Variants in HAS3 observed in about 807,000 individuals in gnomAD.
HAS3 encodes HA synthase 3.
In HAS3, 27 loss-of-function variants were observed where a neutral mutation model predicts 50.3. The observed-to-expected ratio is 0.54, with a 90% CI of 0.40 to 0.74. The LOEUF is 0.74. Among genes scored for constraint, HAS3 ranks in the 30% least tolerant of loss-of-function variants. The pLI, the probability that HAS3 is intolerant of heterozygous loss-of-function variation, is 0.00. For missense variants in HAS3, 517 were observed against 742.8 expected (o/e 0.70, Z 3.53); for synonymous variants, 339 against 310.9 (o/e 1.09, Z -0.95).
the HAS3 span, among the ~76,000 whole-genome samples, chr16:69,087,681 A>G: frequency 7.3e-6 from 1 of 137,486 alleles, no homozygotes; most frequent in East Asian, 2.1e-4. Flanking sequence ...GACAGGCATG[A>G]GCCACCGCAC....
At chr16:69,091,057 A>C in the HAS3 span, among the ~76,000 whole-genome samples, 2 of 152,172 alleles carry the variant, frequency 1.3e-5, no homozygotes, top group African/African-American at 4.8e-5. Flanking sequence ...TACACTGTGC[A>C]TTGCTGCTGC....
At chr16:69,085,815 G>T in the HAS3 span, among the ~76,000 whole-genome samples, 15 of 151,344 alleles carry the variant, frequency 9.9e-5, no homozygotes, top group Admixed American at 9.9e-4. Flanking sequence ...CTGGCCTCAG[G>T]TGATCTGCCC....
upstream of HAS3, among the ~76,000 whole-genome samples, chr16:69,103,390 A>T (rs1960716090): frequency 6.6e-6 from 1 of 151,846 alleles, no homozygotes; most frequent in African/African-American, 2.4e-5. Flanking sequence ...GAGACAAGAC[A>T]TTTTTCTTTC....
rs1961171127 is a variant in HAS3, at chr16:69,116,139, T to A, written c.*873T>A. 1 of 985,226 alleles carries A rather than the reference T, an allele frequency of 1.0e-6. No homozygotes were observed. Among genetic ancestry groups the A allele is most frequent in the Admixed American group, 6.1e-5 (1 of 16,272 alleles). The allele number at this position is 985,226 out of a possible 1,614,324, so 61.0% of individuals were successfully genotyped here. On this transcript the variant is annotated 3_prime_UTR_variant, in exon 4 of 4. Coordinates refer to ENST00000569188, the MANE Select transcript of HAS3 (RefSeq NM_001199280.2). ...CTTGGGTATTTTAACCTGTATACTCTTGAATTCCTCTCAAATTCAGCTCTG... is the reference window on the plus strand; with the variant it reads ...CTTGGGTATTTTAACCTGTATACTCATGAATTCCTCTCAAATTCAGCTCTG...
At position 69,114,941 on chromosome 16, in the gene HAS3, A is replaced by T; in HGVS notation, c.1337A>T (p.Tyr446Phe). The change falls in exon 4 of 4, where the codon TAT becomes TTT. Residue 446 changes from tyrosine to phenylalanine, a missense_variant. Transcript: ENST00000569188. This position sits in a 1 kb window ranked among gnomAD's most constrained non-coding sequence, Gnocchi z 6.4. ...MIFMSLYSLL[Y>F]MSSLLPAKIF... is the part of the protein sequence containing the mutation. ...TTCATGTCCCTCTACTCCCTCCTCT[A>T]TATGTCCAGCCTTCTGCCGGCCAAG... 1 of 1,613,906 alleles carries T rather than the reference A, an allele frequency of 6.2e-7. No individual in the cohort carries two copies. Among genetic ancestry groups the T allele is most frequent in the Non-Finnish European group, 8.5e-7 (1 of 1,179,968 alleles).
At chr16:69,110,141 C>T (rs1960951616) in intron 2 of HAS3, 110 bp downstream of exon 2, 1 of 1,077,536 alleles carries the variant, frequency 9.3e-7, no homozygotes, top group Non-Finnish European at 1.3e-6. Flanking sequence ...GTTGTGCACA[C>T]ACCTGTGCAC....
At position 69,115,496 on chromosome 16, in the gene HAS3, C is replaced by T; in HGVS notation, c.*230C>T. The T allele has an allele frequency of 8.0e-7, 1 of 1,252,350 alleles. No individual in the cohort carries two copies. The highest frequency in any genetic ancestry group is 1.5e-5 in the African/African-American group (1 of 65,470). The allele number at this position is 1,252,350 out of a possible 1,614,324, so 77.6% of individuals were successfully genotyped here. On this transcript the variant is annotated 3_prime_UTR_variant, in exon 4 of 4. Transcript: ENST00000569188. ...AGGGCTGCAGGGGATTCTGTGTTTT[C>T]AGACTGCCTGTCTGCTTGCATCTGC...
At chr16:69,093,773 G>A in the HAS3 span, among the ~76,000 whole-genome samples, 1 of 151,792 alleles carries the variant, frequency 6.6e-6, no homozygotes, top group Non-Finnish European at 1.5e-5. Flanking sequence ...CAGGTGATCC[G>A]CCCACCTCAG....
At chr16:69,112,577 T>C (rs1961043305) in intron 2 of HAS3, among the ~76,000 whole-genome samples, 1 of 152,230 alleles carries the variant, frequency 6.6e-6, no homozygotes, top group Admixed American at 6.5e-5. Flanking sequence ...TGTGGATCTC[T>C]TTGTTGCTCT....
At chr16:69,105,015 TTTTTTTTTTG>T, upstream of HAS3, among the ~76,000 whole-genome samples, 1 of 102,262 alleles carries the variant, frequency 9.8e-6, no homozygotes, top group African/African-American at 3.7e-5. Context: ...TTTTTTTTTT[TTTTTTTTTTG>T]GAGACGGAGT....
At chr16:69,091,802 A>G in the HAS3 span, among the ~76,000 whole-genome samples, 9 of 152,166 alleles carry the variant, frequency 5.9e-5, no homozygotes, top group African/African-American at 1.9e-4. Context: ...GGTCTATTTA[A>G]AAGAGGTTTC....
At chr16:69,086,335 A>AT in the HAS3 span, among the ~76,000 whole-genome samples, 549 of 149,372 alleles carry the variant, frequency 3.7e-3, 1 homozygote, top group African/African-American at 0.011. Flanking sequence ...CACCTGGCTA[A>AT]TTTTTTTTTG....
At chr16:69,104,548 G>A (rs996648150), upstream of HAS3, among the ~76,000 whole-genome samples, 1 of 152,108 alleles carries the variant, frequency 6.6e-6, no homozygotes, top group Non-Finnish European at 1.5e-5. Context: ...CGCCCACCTC[G>A]GCCTCCCAGA....
the HAS3 span, among the ~76,000 whole-genome samples, chr16:69,097,475 C>T: frequency 2.5e-4 from 37 of 150,926 alleles, no homozygotes; most frequent in African/African-American, 6.6e-4. Flanking sequence ...CAAACAAATT[C>T]GGAACAAGCT....
Position 69,114,350 on chromosome 16 carries a change from A to G in HAS3, c.746A>G (p.Asn249Ser). 2 of 1,597,072 alleles carry G rather than the reference A, an allele frequency of 1.3e-6. No homozygotes were observed. Among genetic ancestry groups the G allele is most frequent in the Non-Finnish European group, 1.7e-6 (2 of 1,175,832 alleles). ...ATCTCTATTCCCTTGCAGATCCTCA[A>G]CAAGTACGACTCATGGATTTCCTTC... ...GGVGGDVQILNKYDSWISFLS... is the reference protein window; with the variant it reads ...GGVGGDVQILSKYDSWISFLS... Residue 249 changes from asparagine to serine, a missense_variant, in exon 4 of 4, where the codon AAC (asparagine) becomes AGC (serine). Physicochemically the swap from Asn to Ser is conservative, Grantham distance 46. Transcript: ENST00000569188. The surrounding 1 kb of genome is among the most constrained non-coding windows in gnomAD (Gnocchi z 6.4).
the HAS3 span, among the ~76,000 whole-genome samples, chr16:69,094,629 G>C: frequency 6.6e-6 from 1 of 152,174 alleles, no homozygotes; most frequent in Non-Finnish European, 1.5e-5. Context: ...TGAGTCTCTA[G>C]AGACTATCCT....
At chr16:69,101,877 C>T (rs145008322), upstream of HAS3, among the ~76,000 whole-genome samples, 188 of 152,208 alleles carry the variant, frequency 1.2e-3, 1 homozygote, top group Non-Finnish European at 2.4e-3. Flanking sequence ...CTCCGCCTCC[C>T]GGGTTCAAAC....
At position 69,116,591 on chromosome 16, in the gene HAS3, T is replaced by A; in HGVS notation, c.*1325T>A. On this transcript the variant is annotated 3_prime_UTR_variant, in exon 4 of 4. Coordinates refer to ENST00000569188, the MANE Select transcript of HAS3 (RefSeq NM_001199280.2). ...AGCCAAGTTGTGACAGTCACTGCAT[T>A]TGCCTGCTTCTTTCCAGAAACCAAA... 3 of 985,704 alleles carry A rather than the reference T, an allele frequency of 3.0e-6. No individual in the cohort carries two copies. The highest frequency in any genetic ancestry group is 1.2e-6 in the Non-Finnish European group (1 of 829,946). 61.1% of individuals were successfully genotyped at this position (985,704 alleles called of 1,614,324 possible).
chr16:69,098,596 GA>G, the HAS3 span, among the ~76,000 whole-genome samples: 6 of 136,108 alleles, frequency 4.4e-5, no homozygotes, highest in Middle Eastern at 4.1e-3. Flanking sequence ...AAATTTCAGA[GA>G]AAAAAAATCC....
Sources: allele counts gnomAD v4.1 joint callset (sites outside exome capture counted in the v4.1 genomes callset), GRCh38; gene constraint gnomAD v4.1.1; non-coding constraint Gnocchi (gnomAD v3.1); transcripts MANE v1.5; gene names NCBI Gene and HGNC (gene_info 2026-07-23, HGNC 2026-07-21).